CHST12: variants seen among roughly 807,000 people sequenced by gnomAD.
The protein encoded by CHST12 is carbohydrate sulfotransferase 12.
In CHST12, 23 loss-of-function variants were observed where a neutral mutation model predicts 27.9. That is an observed-to-expected ratio of 0.82 (90% CI 0.59 to 1.17). The LOEUF (loss-of-function observed/expected upper bound fraction) is 1.17, where lower values mean the gene tolerates loss of function less well. Ranked by LOEUF, CHST12 falls within the 50% of genes most tolerant of loss-of-function variation. CHST12 has a pLI of 0.00. For synonymous variants in CHST12, 322 were observed against 273.0 expected, an observed-to-expected ratio of 1.18 and a Z score of -1.77; for missense variants, 682 against 603.0, an observed-to-expected ratio of 1.13 and a Z score of -1.37.
At position 2,445,821 on chromosome 7, in the gene CHST12, A is replaced by C. The variant is rs1782738502; in HGVS notation, c.*11937A>C. The C allele has an allele frequency of 3.3e-5, 5 of 152,226 alleles. No individual in the cohort carries two copies. The highest frequency in any genetic ancestry group is 1.2e-4 in the African/African-American group (5 of 41,444). The allele number at this position is 152,226 out of a possible 1,614,324, so 9.4% of individuals were successfully genotyped here. ...AGGAGAAAGTGGCCTGGGGCTGGAA[A>C]CAGGACTTTGTAGGGAAGGACAGCG... On this transcript the variant is annotated 3_prime_UTR_variant, in exon 2 of 2. Coordinates refer to ENST00000618655, the MANE Select transcript of CHST12 (RefSeq NM_018641.5).
intron 1 of CHST12, among the ~76,000 whole-genome samples, chr7:2,412,557 G>C (rs1481877474): frequency 6.6e-6 from 1 of 152,184 alleles, no homozygotes; most frequent in Non-Finnish European, 1.5e-5. Context: ...TCAAGAGCTT[G>C]GTTATTTGGA....
At chr7:2,427,803 T>C (rs1163001290) in intron 1 of CHST12, among the ~76,000 whole-genome samples, 1 of 152,170 alleles carries the variant, frequency 6.6e-6, no homozygotes, top group Non-Finnish European at 1.5e-5. Context: ...TACTTGGTCA[T>C]GCCGTGACTC....
chr7:2,432,675 G>C lies in CHST12; in HGVS notation c.36G>C (p.Val12=), dbSNP rs1403608328. The change falls in exon 2 of 2, where the codon GTG becomes GTC. Residue 12 remains valine, a synonymous_variant. Transcript: ENST00000618655. ...CCCGGCTGTTCCGGCTGTGGCTGGT[G>C]CTGGGGTCGGTGTTCATGATCCTGC... The part of the protein sequence containing the change: ...TKARLFRLWL[V]LGSVFMILLI... The C allele has an allele frequency of 1.2e-6, 2 of 1,613,048 alleles. No homozygotes were observed. Among genetic ancestry groups the C allele is most frequent in the Non-Finnish European group, 1.7e-6 (2 of 1,179,296 alleles).
Position 2,443,720 on chromosome 7 carries a change from C to A in CHST12, c.*9836C>A, listed in dbSNP as rs1210384265. 6.6e-6 allele frequency: 1 copy of A among 152,238 alleles called. No individual in the cohort carries two copies. The highest frequency in any genetic ancestry group is 1.5e-5 in the Non-Finnish European group (1 of 68,058). 9.4% of individuals were successfully genotyped at this position (152,238 alleles called of 1,614,324 possible). Reference sequence around the variant, plus strand: ...GGAACAAAGACAGAGCTGCTTCCCTCCTGTTGGGTCTCTGGCGGACAGTCA... The same window carrying A: ...GGAACAAAGACAGAGCTGCTTCCCTACTGTTGGGTCTCTGGCGGACAGTCA... On this transcript the variant is annotated 3_prime_UTR_variant, in exon 2 of 2. Transcript: ENST00000618655.
chr7:2,417,021 G>T (rs951431077), intron 1 of CHST12, among the ~76,000 whole-genome samples: 1 of 152,102 alleles, frequency 6.6e-6, no homozygotes, highest in African/African-American at 2.4e-5. Flanking sequence ...GGTGAATTCG[G>T]GGTCCTGAGA....
intron 1 of CHST12, among the ~76,000 whole-genome samples, chr7:2,413,901 G>A (rs1389318807): frequency 1.3e-5 from 2 of 151,668 alleles, no homozygotes; most frequent in Non-Finnish European, 2.9e-5. Context: ...GCTAATTTTT[G>A]TATTTTTAGT....
intron 1 of CHST12, among the ~76,000 whole-genome samples, chr7:2,419,724 AATTACC>A (rs1223050580): frequency 6.6e-6 from 1 of 151,548 alleles, no homozygotes; most frequent in Non-Finnish European, 1.5e-5. Context: ...AAAAAAAAAA[AATTACC>A]ATTGTAACCA....
At chr7:2,407,108 C>T (rs1386086825) in intron 1 of CHST12, among the ~76,000 whole-genome samples, 2 of 151,648 alleles carry the variant, frequency 1.3e-5, no homozygotes, top group African/African-American at 4.8e-5. Flanking sequence ...GGAACTCCCT[C>T]AGAAAGTAGA....
At position 2,435,361 on chromosome 7, in the gene CHST12, G is replaced by A. The variant is rs757038721; in HGVS notation, c.*1477G>A. On this transcript the variant is annotated 3_prime_UTR_variant, in exon 2 of 2. Coordinates refer to ENST00000618655, the MANE Select transcript of CHST12 (RefSeq NM_018641.5). Reference sequence around the variant, plus strand: ...TGACAGTACCCAGTGTCACCAAGAAGAGGCTCCGTGTGACTGTCTCTGTGG... The same window carrying A: ...TGACAGTACCCAGTGTCACCAAGAAAAGGCTCCGTGTGACTGTCTCTGTGG... 1 of 152,238 alleles carries A rather than the reference G, an allele frequency of 6.6e-6. No homozygotes were observed. Among genetic ancestry groups the A allele is most frequent in the African/African-American group, 2.4e-5 (1 of 41,448 alleles). The allele number at this position is 152,238 out of a possible 1,614,324, so 9.4% of individuals were successfully genotyped here. A position where few individuals can be genotyped will look rare whatever the true frequency, so the allele number is the denominator to read the frequency against.
rs1032750487 is a variant in CHST12 at position 2,439,033 on chromosome 7, G to C, written c.*5149G>C. On this transcript the variant is annotated 3_prime_UTR_variant, in exon 2 of 2. Transcript: ENST00000618655. ...GGGCCACCAGATCGGGGGCCGGGCC[G>C]GGGTGAGCACCTGAAGCCGGCTCCA... is the stretch of plus-strand genomic sequence containing the variant. 1.3e-5 allele frequency: 2 copies of C among 152,262 alleles called. No homozygotes were observed. Among genetic ancestry groups the C allele is most frequent in the East Asian group, 3.8e-4 (2 of 5,200 alleles). The allele number at this position is 152,262 out of a possible 1,614,324, so 9.4% of individuals were successfully genotyped here.
chr7:2,415,818 G>A (rs1234785181), intron 1 of CHST12, among the ~76,000 whole-genome samples: 3 of 151,966 alleles, frequency 2.0e-5, no homozygotes, highest in African/African-American at 7.3e-5. Context: ...GTTTTACCGT[G>A]TTAGCCAGGA....
chr7:2,433,069 C>A lies in CHST12; in HGVS notation c.430C>A (p.Arg144Ser). The A allele has an allele frequency of 6.2e-7, 1 of 1,612,214 alleles. No individual in the cohort carries two copies. Among genetic ancestry groups the A allele is most frequent in the South Asian group, 1.1e-5 (1 of 91,060 alleles). Residue 144 changes from arginine (R) to serine (S), a missense_variant, in exon 2 of 2, where the codon CGC becomes AGC. Physicochemically the swap from Arg to Ser is moderately radical, Grantham distance 110. Transcript: ENST00000618655. This position sits in a 1 kb window ranked among gnomAD's most constrained non-coding sequence, Gnocchi z 6.1. ...CAGCCTGGCCTTCCCCACCAAGGAG[C>A]GCGCATTCGACGACATCCCCAACTC... ...NSSLAFPTKE[R>S]AFDDIPNSEL... is the part of the protein sequence containing the mutation.
intron 1 of CHST12, among the ~76,000 whole-genome samples, chr7:2,405,640 G>T (rs1012846258): frequency 1.3e-5 from 2 of 152,122 alleles, no homozygotes; most frequent in Non-Finnish European, 2.9e-5. Flanking sequence ...TGGGTCTGGG[G>T]CAGTGAGAGA....
chr7:2,419,629 C>T (rs1010861021), intron 1 of CHST12, among the ~76,000 whole-genome samples: 6 of 151,464 alleles, frequency 4.0e-5, no homozygotes, highest in Admixed American at 1.3e-4. Context: ...ATCGCTTGAA[C>T]CCGGGAAGCA....
In CHST12 at chr7:2,433,132, G is replaced by A. The variant is rs762532255; in HGVS notation, c.493G>A (p.Ala165Thr). The A allele has an allele frequency of 6.2e-7, 1 of 1,612,676 alleles. No individual in the cohort carries two copies. Among genetic ancestry groups the A allele is most frequent in the Non-Finnish European group, 8.5e-7 (1 of 1,179,468 alleles). Residue 165 changes from alanine (A) to threonine (T), a missense_variant, in exon 2 of 2, where the codon GCC becomes ACC. By Grantham distance (58) the Ala-to-Thr change is moderately conservative. Coordinates refer to ENST00000618655, the MANE Select transcript of CHST12 (RefSeq NM_018641.5). The surrounding 1 kb of genome is among the most constrained non-coding windows in gnomAD (Gnocchi z 6.1). ...CCTGATCGTGGACGACCGGCACGGG[G>A]CCATCTACTGCTACGTGCCCAAGGT... ...SHLIVDDRHG[A>T]IYCYVPKVAC...
chr7:2,428,263 C>T (rs1245919909), intron 1 of CHST12, among the ~76,000 whole-genome samples: 5 of 150,360 alleles, frequency 3.3e-5, no homozygotes, highest in African/African-American at 1.2e-4. Context: ...GGCACAATCT[C>T]GGCTCACTGC....
In CHST12 at chr7:2,441,580, C is replaced by T. The variant is rs1320974162; in HGVS notation, c.*7696C>T. On this transcript the variant is annotated 3_prime_UTR_variant, in exon 2 of 2. Transcript: ENST00000618655. The stretch of plus-strand genomic sequence containing the variant: ...TGGTGGTATGCACCTGTAGTCCCAG[C>T]TACTTGGGAGGCTGAGGTGGGAGGA... 1 of 150,838 alleles carries T rather than the reference C, an allele frequency of 6.6e-6. No homozygotes were observed. The highest frequency in any genetic ancestry group is 1.5e-5 in the Non-Finnish European group (1 of 67,922). 9.3% of individuals were successfully genotyped at this position (150,838 alleles called of 1,614,324 possible). A position where few individuals can be genotyped will look rare whatever the true frequency, so the allele number is the denominator to read the frequency against.
rs547131929 is a variant in CHST12, at chr7:2,438,882, A to G, written c.*4998A>G. 2.0e-5 allele frequency: 3 copies of G among 152,268 alleles called. No homozygotes were observed. The highest frequency in any genetic ancestry group is 1.5e-5 in the Non-Finnish European group (1 of 68,132). The allele number at this position is 152,268 out of a possible 1,614,324, so 9.4% of individuals were successfully genotyped here. A position where few individuals can be genotyped will look rare whatever the true frequency, so the allele number is the denominator to read the frequency against. ...GCTGATTTCCTGACCTGGACCCCTG[A>G]GACCCAGTGCTCTTAGCTGTGAGCC... On this transcript the variant is annotated 3_prime_UTR_variant, in exon 2 of 2. Transcript: ENST00000618655.
chr7:2,419,871 C>T (rs1043959412), intron 1 of CHST12, among the ~76,000 whole-genome samples: 2 of 151,582 alleles, frequency 1.3e-5, no homozygotes, highest in African/African-American at 4.8e-5. Flanking sequence ...AAACTCCCAT[C>T]CCCCTCCCCT....
Sources: allele counts gnomAD v4.1 joint callset (sites outside exome capture counted in the v4.1 genomes callset), GRCh38; gene constraint gnomAD v4.1.1; non-coding constraint Gnocchi (gnomAD v3.1); transcripts MANE v1.5; gene names NCBI Gene and HGNC (gene_info 2026-07-23, HGNC 2026-07-21).